PGCKA1: variants seen among roughly 807,000 people sequenced by gnomAD.
The protein encoded by PGCKA1 is PDCD10 and GCKIII kinases associated 1, also known as PDCD10 and GCKIII kinases-associated protein 1.
At chr4:37,489,125 A>G in the PGCKA1 span, among the ~76,000 whole-genome samples, 4 of 151,510 alleles carry the variant, frequency 2.6e-5, no homozygotes, top group African/African-American at 9.8e-5. Flanking sequence ...TTGCTGTTCA[A>G]TGGGTATAAA....
At chr4:37,484,425 C>T in the PGCKA1 span, among the ~76,000 whole-genome samples, 3 of 152,120 alleles carry the variant, frequency 2.0e-5, no homozygotes, top group Non-Finnish European at 2.9e-5. Context: ...TTACCTCCCA[C>T]GGGGTTCCTC....
the PGCKA1 span, among the ~76,000 whole-genome samples, chr4:37,480,760 G>A: frequency 1.3e-5 from 2 of 152,258 alleles, no homozygotes; most frequent in Middle Eastern, 3.2e-3. Context: ...TTATCTCGGG[G>A]CTAGAATGTC....
At chr4:37,580,609 A>G in the PGCKA1 span, among the ~76,000 whole-genome samples, 7 of 152,312 alleles carry the variant, frequency 4.6e-5, 1 homozygote, top group South Asian at 1.4e-3. Context: ...CCCCAAACAA[A>G]AGTTTCTCTC....
the PGCKA1 span, among the ~76,000 whole-genome samples, chr4:37,485,485 G>A: frequency 2.2e-4 from 33 of 152,116 alleles, no homozygotes; most frequent in African/African-American, 7.5e-4. Context: ...GAATGACACA[G>A]CAAGAAGGCC....
the PGCKA1 span, among the ~76,000 whole-genome samples, chr4:37,589,911 C>T: frequency 2.0e-5 from 3 of 152,230 alleles, no homozygotes; most frequent in Non-Finnish European, 2.9e-5. Flanking sequence ...AGATTACAGG[C>T]GTGAGCCACC....
the PGCKA1 span, among the ~76,000 whole-genome samples, chr4:37,496,172 C>G: frequency 6.6e-6 from 1 of 152,142 alleles, no homozygotes; most frequent in African/African-American, 2.4e-5. Flanking sequence ...CTTTTGGCAT[C>G]TTCCTTATAA....
At chr4:37,590,251 A>T in the PGCKA1 span, 2 of 1,614,198 alleles carry the variant, frequency 1.2e-6, no homozygotes, top group South Asian at 2.2e-5. Flanking sequence ...GAAGACTGAG[A>T]GCAGCAGCAG....
chr4:37,533,568 G>A, the PGCKA1 span, among the ~76,000 whole-genome samples: 1 of 152,214 alleles, frequency 6.6e-6, no homozygotes, highest in African/African-American at 2.4e-5. Flanking sequence ...TCTTTGACCT[G>A]CAAAATTCCA....
At chr4:37,550,884 C>T in the PGCKA1 span, among the ~76,000 whole-genome samples, 1 of 152,132 alleles carries the variant, frequency 6.6e-6, no homozygotes, top group Non-Finnish European at 1.5e-5. Flanking sequence ...CCAAAAGAAC[C>T]ACCCTGACAA....
the PGCKA1 span, among the ~76,000 whole-genome samples, chr4:37,472,460 T>C: frequency 6.6e-6 from 1 of 152,246 alleles, no homozygotes; most frequent in Non-Finnish European, 1.5e-5. Flanking sequence ...TTTGAGCCTG[T>C]TGGCTACTGC....
chr4:37,516,500 G>A, the PGCKA1 span, among the ~76,000 whole-genome samples: 2 of 152,182 alleles, frequency 1.3e-5, no homozygotes, highest in African/African-American at 2.4e-5. Context: ...ATTTTTAACA[G>A]ATGAGGTAAA....
At chr4:37,560,001 TG>T in the PGCKA1 span, among the ~76,000 whole-genome samples, 1 of 152,198 alleles carries the variant, frequency 6.6e-6, no homozygotes, top group Non-Finnish European at 1.5e-5. Flanking sequence ...TTTCCCTACT[TG>T]TTGCCTTTAT....
At chr4:37,518,149 A>C in the PGCKA1 span, among the ~76,000 whole-genome samples, 3,190 of 152,286 alleles carry the variant, frequency 0.021, 57 homozygotes, top group Non-Finnish European at 0.027. Context: ...CATTTTCATT[A>C]TCCATTCATC....
At chr4:37,532,786 A>G in the PGCKA1 span, among the ~76,000 whole-genome samples, 5 of 150,192 alleles carry the variant, frequency 3.3e-5, no homozygotes, top group East Asian at 7.7e-4. Context: ...TGCTTTTAAT[A>G]TTTTTCCCAT....
the PGCKA1 span, chr4:37,558,085 T>C: frequency 6.6e-6 from 1 of 152,222 alleles, no homozygotes; most frequent in Non-Finnish European, 1.5e-5. Flanking sequence ...AGGTAAGCTA[T>C]TTTATCTTTC....
chr4:37,560,352 CT>C, the PGCKA1 span, among the ~76,000 whole-genome samples: 1 of 152,052 alleles, frequency 6.6e-6, no homozygotes, highest in African/African-American at 2.4e-5. Context: ...TTCAGCCATG[CT>C]TGCCAGCACT....
the PGCKA1 span, among the ~76,000 whole-genome samples, chr4:37,571,272 A>AGGAT: frequency 2.0e-5 from 3 of 151,704 alleles, no homozygotes; most frequent in African/African-American, 7.3e-5. Context: ...GTATATACAC[A>AGGAT]GGATGATGTG....
chr4:37,571,454 C>G, the PGCKA1 span, among the ~76,000 whole-genome samples: 1 of 150,654 alleles, frequency 6.6e-6, no homozygotes, highest in African/African-American at 2.4e-5. Context: ...CCTCCACCTC[C>G]CGGGTTCAAA....
At chr4:37,457,069 G>T in the PGCKA1 span, among the ~76,000 whole-genome samples, 14 of 152,270 alleles carry the variant, frequency 9.2e-5, no homozygotes, top group East Asian at 1.9e-4. Context: ...GCTCCTCATG[G>T]TTTTTAATCA....
Sources: allele counts gnomAD v4.1 joint callset (sites outside exome capture counted in the v4.1 genomes callset), GRCh38; gene constraint gnomAD v4.1.1; transcripts MANE v1.5; gene names NCBI Gene and HGNC (gene_info 2026-07-23, HGNC 2026-07-21).